Variants in MTUS2 observed in about 807,000 individuals in gnomAD.
The protein encoded by MTUS2 is microtubule associated scaffold protein 2, also known as microtubule-associated tumor suppressor candidate 2.
Under a neutral mutation model 114.1 loss-of-function variants are expected in MTUS2, and 40 were observed. That is an observed-to-expected ratio of 0.35 (90% CI 0.27 to 0.46). The LOEUF (loss-of-function observed/expected upper bound fraction) is 0.46. Among genes scored for constraint, MTUS2 ranks in the 20% least tolerant of loss-of-function variants. The probability of loss-of-function intolerance (pLI) is 1.00; values close to 1 mark genes in which losing one functional copy is unlikely to be tolerated. For synonymous variants in MTUS2, 688 were observed against 672.0 expected (o/e 1.02, Z -0.37); for missense variants, 1,679 against 1,705.4 (o/e 0.98, Z 0.27).
chr13:29,351,885 G>T (rs1278489543), intron 7 of MTUS2, among the ~76,000 whole-genome samples: 1 of 151,842 alleles, frequency 6.6e-6, no homozygotes, highest in East Asian at 1.9e-4. Context: ...AAAGTGCTGG[G>T]ATTACAGGCA....
intron 1 of MTUS2, among the ~76,000 whole-genome samples, chr13:28,824,683 T>A (rs981438554): frequency 6.6e-6 from 1 of 151,622 alleles, no homozygotes; most frequent in Non-Finnish European, 1.5e-5. Flanking sequence ...TTTTTTTTTT[T>A]AAACACCATC....
intron 2 of MTUS2, among the ~76,000 whole-genome samples, chr13:28,860,509 T>C (rs1273076219): frequency 6.6e-6 from 1 of 152,154 alleles, no homozygotes; most frequent in Non-Finnish European, 1.5e-5. Flanking sequence ...AAAATGCGGC[T>C]AGGAAGGGGG....
At chr13:29,070,011 TA>T (rs2138682014) in intron 4 of MTUS2, among the ~76,000 whole-genome samples, 1 of 152,302 alleles carries the variant, frequency 6.6e-6, no homozygotes, top group African/African-American at 2.4e-5. Context: ...CAAAACCATA[TA>T]AAAATCATGA....
intron 7 of MTUS2, among the ~76,000 whole-genome samples, chr13:29,349,029 T>C (rs1328533406): frequency 1.3e-5 from 2 of 152,196 alleles, no homozygotes; most frequent in Non-Finnish European, 2.9e-5. Flanking sequence ...TTTGATGTTA[T>C]TACTGATTTA....
At chr13:29,018,569 T>C (rs973643454) in intron 2 of MTUS2, among the ~76,000 whole-genome samples, 3 of 152,180 alleles carry the variant, frequency 2.0e-5, no homozygotes, top group Non-Finnish European at 2.9e-5. Context: ...GTGGTCAGCC[T>C]GGCCATCATG....
intron 5 of MTUS2, among the ~76,000 whole-genome samples, chr13:29,145,237 T>C (rs1892382617): frequency 6.6e-6 from 1 of 152,130 alleles, no homozygotes; most frequent in African/African-American, 2.4e-5. Flanking sequence ...AATTCATAAA[T>C]GAGTAAGGAC....
chr13:29,011,350 A>G (rs1283683321), intron 2 of MTUS2, among the ~76,000 whole-genome samples: 2 of 152,240 alleles, frequency 1.3e-5, no homozygotes, highest in African/African-American at 4.8e-5. Context: ...AATGCTAGCA[A>G]GACAGTTTTC....
At position 29,086,743 on chromosome 13, in the gene MTUS2, T is replaced by C. The variant is rs570377878; in HGVS notation, c.2447-14030T>C. 3.9e-5 allele frequency among the ~76,000 whole-genome samples: 6 copies of C among 152,310 alleles called. No individual in the cohort carries two copies. In the South Asian group the frequency reaches 1.2e-3, roughly 32 times the overall value. ...GGCCATTTTAACAATGTTGATTGTT[T>C]CTATCCAAGAGCATGGAATTTTTTC... On this transcript the variant is annotated intron_variant, in intron 4 of 15. Transcript: ENST00000612955.
At chr13:29,185,317 G>A (rs1228390519) in intron 5 of MTUS2, among the ~76,000 whole-genome samples, 2 of 152,106 alleles carry the variant, frequency 1.3e-5, no homozygotes, top group Non-Finnish European at 2.9e-5. Context: ...ATATGCAAAT[G>A]GGCGTCCCAC....
At chr13:29,061,183 G>T (rs987080882) in intron 4 of MTUS2, among the ~76,000 whole-genome samples, 15 of 152,172 alleles carry the variant, frequency 9.9e-5, no homozygotes, top group African/African-American at 3.1e-4. Context: ...TTTCCTTGAA[G>T]ATTATTGAAC....
chr13:29,076,980 ATTTCT>A (rs1460751432), intron 4 of MTUS2, among the ~76,000 whole-genome samples: 1 of 152,164 alleles, frequency 6.6e-6, no homozygotes, highest in African/African-American at 2.4e-5. Context: ...TTTAGATGCA[ATTTCT>A]TTTCTATCAT....
At chr13:28,845,391 A>G (rs1222200090) in intron 2 of MTUS2, among the ~76,000 whole-genome samples, 1 of 152,218 alleles carries the variant, frequency 6.6e-6, no homozygotes, top group East Asian at 1.9e-4. Flanking sequence ...ATTGGACACT[A>G]AGGAAATGTT....
intron 4 of MTUS2, among the ~76,000 whole-genome samples, chr13:29,053,142 C>A (rs1206978808): frequency 6.6e-6 from 1 of 152,090 alleles, no homozygotes; most frequent in South Asian, 2.1e-4. Context: ...GATAATGATA[C>A]TAATGTATCA....
At chr13:28,941,254 A>T (rs1882217644) in intron 2 of MTUS2, among the ~76,000 whole-genome samples, 1 of 152,062 alleles carries the variant, frequency 6.6e-6, no homozygotes, top group African/African-American at 2.4e-5. Flanking sequence ...TGTATTCATT[A>T]ATGTGGGTAT....
intron 5 of MTUS2, among the ~76,000 whole-genome samples, chr13:29,208,626 G>T (rs373367243): frequency 6.6e-6 from 1 of 151,992 alleles, no homozygotes; most frequent in Non-Finnish European, 1.5e-5. Context: ...TTAATAGGTC[G>T]TATCACTATA....
intron 2 of MTUS2, among the ~76,000 whole-genome samples, chr13:28,936,760 G>T (rs1458674490): frequency 6.6e-6 from 1 of 152,166 alleles, no homozygotes; most frequent in Non-Finnish European, 1.5e-5. Flanking sequence ...GTTGTCTTCT[G>T]CTTTCTTCTG....
intron 6 of MTUS2, among the ~76,000 whole-genome samples, chr13:29,300,694 GTCTTCAAGGGGTGTATTAT>G (rs1899163342): frequency 6.6e-6 from 1 of 152,240 alleles, no homozygotes; most frequent in South Asian, 2.1e-4. Context: ...TTGAAGTGAA[GTCTTCAAGGGGTGTATTAT>G]TTGAAGACAG....
rs765381922 is a variant in MTUS2, at chr13:29,025,552, A to T, written c.854A>T (p.Asn285Ile). 8 of 1,613,952 alleles carry T rather than the reference A, an allele frequency of 5.0e-6. No homozygotes were observed. In the East Asian group the frequency reaches 1.8e-4, roughly 36 times the overall value. The part of the protein sequence containing the change: ...SHSAHPEPAL[N>I]LTLASKEIPS... ...TCCGCCCATCCAGAGCCTGCTCTGA[A>T]TTTGACTTTGGCATCGAAGGAAATC... The change falls in exon 3 of 16, where the codon AAT becomes ATT. Residue 285 changes from asparagine to isoleucine, a missense_variant. Transcript: ENST00000612955.
intron 10 of MTUS2, among the ~76,000 whole-genome samples, chr13:29,484,698 G>A (rs1875846578): frequency 6.6e-6 from 1 of 152,334 alleles, no homozygotes; most frequent in East Asian, 1.9e-4. Flanking sequence ...ATGTAGGATG[G>A]GCGCAAATGG....
Sources: allele counts gnomAD v4.1 joint callset (sites outside exome capture counted in the v4.1 genomes callset), GRCh38; gene constraint gnomAD v4.1.1; transcripts MANE v1.5; gene names NCBI Gene and HGNC (gene_info 2026-07-23, HGNC 2026-07-21).